The following DRD2 variants were observed in gnomAD, a reference collection of about 807,000 sequenced individuals.
DRD2 encodes the protein dopamine receptor D2, also known as D(2) dopamine receptor.
In DRD2, 8 loss-of-function variants were observed where a neutral mutation model predicts 38.0. The ratio of observed to expected loss-of-function variants is 0.21; its 90% confidence interval spans 0.12 to 0.38. DRD2 has a LOEUF of 0.38. DRD2 is among the 10% of genes least tolerant of loss of function. DRD2 has a pLI of 1.00. For missense variants in DRD2, 403 were observed against 607.7 expected, an observed-to-expected ratio of 0.66 and a Z score of 3.54; for synonymous variants, 230 against 238.6, an observed-to-expected ratio of 0.96 and a Z score of 0.33.
intron 1 of DRD2, among the ~76,000 whole-genome samples, chr11:113,452,515 G>C (rs1951226536): frequency 6.7e-6 from 1 of 150,364 alleles, no homozygotes; most frequent in South Asian, 2.1e-4. Flanking sequence ...ATGAGACACT[G>C]CTGATTCAGA....
chr11:113,455,391 C>G (rs973145620), intron 1 of DRD2, among the ~76,000 whole-genome samples: 8 of 151,742 alleles, frequency 5.3e-5, no homozygotes, highest in African/African-American at 1.5e-4. Context: ...AAAAAGATGT[C>G]GATTTGGCAA....
intron 2 of DRD2, among the ~76,000 whole-genome samples, chr11:113,422,542 G>A (rs377204663): frequency 2.6e-4 from 40 of 152,270 alleles, no homozygotes; most frequent in African/African-American, 8.2e-4. Context: ...GAGTCTAGGG[G>A]CCCTCATAAA....
chr11:113,436,963 A>G (rs979353921), intron 1 of DRD2, among the ~76,000 whole-genome samples: 3 of 152,096 alleles, frequency 2.0e-5, no homozygotes, highest in African/African-American at 7.2e-5. Context: ...CCTGGGGACG[A>G]GCCCTGGCAA....
intron 1 of DRD2, among the ~76,000 whole-genome samples, chr11:113,467,039 C>T (rs754336275): frequency 4.9e-4 from 74 of 152,210 alleles, no homozygotes; most frequent in Admixed American, 9.8e-4. Context: ...ATGGATCCAC[C>T]GTGGTGCGGG....
chr11:113,432,180 G>T (rs1950993128), intron 1 of DRD2, among the ~76,000 whole-genome samples: 1 of 152,196 alleles, frequency 6.6e-6, no homozygotes, highest in Non-Finnish European at 1.5e-5. Context: ...TTAGTCCCCA[G>T]GCTGATGGAG....
At chr11:113,449,574 A>G (rs1367055601) in intron 1 of DRD2, among the ~76,000 whole-genome samples, 3 of 152,148 alleles carry the variant, frequency 2.0e-5, no homozygotes, top group Admixed American at 2.0e-4. Context: ...AGCACATGCC[A>G]TCATAGGTGC....
chr11:113,466,699 TGGG>T (rs747187278), intron 1 of DRD2, among the ~76,000 whole-genome samples: 1 of 152,144 alleles, frequency 6.6e-6, no homozygotes, highest in Non-Finnish European at 1.5e-5. Flanking sequence ...AGTGTCGCTA[TGGG>T]GAAGTAAGCT....
intron 1 of DRD2, among the ~76,000 whole-genome samples, chr11:113,439,972 C>T (rs1951074778): frequency 6.6e-6 from 1 of 151,526 alleles, no homozygotes; most frequent in African/African-American, 2.4e-5. Flanking sequence ...TAGACAGGTC[C>T]CCTGCTTTAT....
In DRD2 at chr11:113,415,615, G is replaced by A. The variant is rs202133725; in HGVS notation, c.533-4C>T. ...GCAATGATGCACTCGTTCTGGTCTGGGGGAGGGAGAGCCCGGGCAGGCAGG... is the reference window on the plus strand; with the variant it reads ...GCAATGATGCACTCGTTCTGGTCTGAGGGAGGGAGAGCCCGGGCAGGCAGG... On this transcript the variant is annotated splice_polypyrimidine_tract_variant and splice_region_variant and intron_variant, in intron 4 of 7. Coordinates refer to ENST00000362072, the MANE Select transcript of DRD2 (RefSeq NM_000795.4). 2.5e-6 allele frequency: 4 copies of A among 1,610,590 alleles called. No individual in the cohort carries two copies. Among genetic ancestry groups the A allele is most frequent in the Non-Finnish European group, 2.5e-6 (3 of 1,178,204 alleles).
At chr11:113,421,639 C>T (rs1245655663) in intron 2 of DRD2, among the ~76,000 whole-genome samples, 3 of 152,120 alleles carry the variant, frequency 2.0e-5, no homozygotes, top group Non-Finnish European at 2.9e-5. Flanking sequence ...ATAACGCACA[C>T]TTAGTCCTAA....
chr11:113,465,917 T>C (rs1951364805), intron 1 of DRD2, among the ~76,000 whole-genome samples: 2 of 152,246 alleles, frequency 1.3e-5, no homozygotes, highest in South Asian at 2.1e-4. Context: ...TGATAGTGAA[T>C]GTTTGCTGAG....
rs537168848 is a variant in DRD2, at chr11:113,460,430, C to T, written c.-32+14646G>A. On this transcript the variant is annotated intron_variant, in intron 1 of 7. Transcript: ENST00000362072. ...AAGCTGGACTGGCTGTGATCTTGAC[C>T]TAGGGAGACACTCGAGCTGCCAGCC... Among the ~76,000 whole-genome samples, 53 of 152,368 alleles carry T rather than the reference C, an allele frequency of 3.5e-4. 1 individual carries two copies. In the Middle Eastern group the frequency reaches 0.014, roughly 39 times the overall value.
intron 1 of DRD2, among the ~76,000 whole-genome samples, chr11:113,472,974 G>A (rs576190699): frequency 4.8e-4 from 73 of 152,292 alleles, no homozygotes; most frequent in Admixed American, 1.3e-3. Context: ...TAATCAGGGG[G>A]ATGGTCTTTC....
At chr11:113,452,646 T>TC (rs1284795991) in intron 1 of DRD2, among the ~76,000 whole-genome samples, 1 of 124,888 alleles carries the variant, frequency 8.0e-6, no homozygotes, top group African/African-American at 2.7e-5. Context: ...CCAGTCCCCA[T>TC]CTTTTTTTTT....
chr11:113,462,018 T>C (rs1353868747), intron 1 of DRD2, among the ~76,000 whole-genome samples: 2 of 151,182 alleles, frequency 1.3e-5, no homozygotes, highest in South Asian at 4.2e-4. Context: ...CCCTTTACTT[T>C]CCCCCCTTAC....
At chr11:113,422,385 T>C (rs1286672274) in intron 2 of DRD2, among the ~76,000 whole-genome samples, 1 of 152,220 alleles carries the variant, frequency 6.6e-6, no homozygotes, top group Non-Finnish European at 1.5e-5. Flanking sequence ...ATGATACTAT[T>C]ATTATCTGCA....
rs769193240 is a variant in DRD2 at position 113,412,633 on chromosome 11, G to C, written c.1061C>G (p.Ser354Cys). ...CTTCCTACGGCTCATGGTCTTGAGG[G>C]AGGTCCGGGTTTTGCCATTGGGCAT... is the stretch of plus-strand genomic sequence containing the variant. ...QTMPNGKTRT[S>C]LKTMSRRKLS... The change falls in exon 7 of 8, where the codon TCC (serine) becomes TGC (cysteine). Residue 354 changes from serine to cysteine, a missense_variant. This residue lies in a region of DRD2 where 67 missense variants were observed against 136.1 expected (regional missense o/e 0.49). Transcript: ENST00000362072. 6.2e-7 allele frequency: 1 copy of C among 1,614,222 alleles called. No homozygotes were observed. The highest frequency in any genetic ancestry group is 8.5e-7 in the Non-Finnish European group (1 of 1,180,046).
intron 7 of DRD2, chr11:113,412,009 C>T (rs1950774308): frequency 6.4e-6 from 1 of 155,796 alleles, no homozygotes; most frequent in South Asian, 2.0e-4. Context: ...CCCAACATCT[C>T]ATTTATTTTT....
chr11:113,414,257 G>A, intron 6 of DRD2, 118 bp downstream of exon 6: 1 of 932,732 alleles, frequency 1.1e-6, no homozygotes, highest in Non-Finnish European at 1.8e-6. Context: ...CTGAGGCAAG[G>A]TGGGGGTTTC....
Sources: allele counts gnomAD v4.1 joint callset (sites outside exome capture counted in the v4.1 genomes callset), GRCh38; gene constraint gnomAD v4.1.1; regional missense constraint gnomAD v4.1.1; transcripts MANE v1.5; gene names NCBI Gene and HGNC (gene_info 2026-07-23, HGNC 2026-07-21).